The following AUTS2 variants were observed in gnomAD, a reference collection of about 807,000 sequenced individuals.
AUTS2 encodes activator of transcription and developmental regulator AUTS2.
Under a neutral mutation model 112.4 loss-of-function variants are expected in AUTS2, and 17 were observed. The ratio of observed to expected loss-of-function variants is 0.15; its 90% CI spans 0.10 to 0.23. The LOEUF (loss-of-function observed/expected upper bound fraction) is 0.23, where lower values mean the gene tolerates loss of function less well. Among genes scored for constraint, AUTS2 ranks in the 10% least tolerant of loss-of-function variants. The pLI is 1.00. For synonymous variants in AUTS2, 751 were observed against 702.7 expected, an observed-to-expected ratio of 1.07 and a Z score of -1.09; for missense variants, 1,510 against 1,701.6, an observed-to-expected ratio of 0.89 and a Z score of 1.98.
intron 1 of AUTS2, among the ~76,000 whole-genome samples, chr7:69,828,042 A>C (rs1302413006): frequency 6.6e-6 from 1 of 152,246 alleles, no homozygotes; most frequent in Admixed American, 6.5e-5. Flanking sequence ...GTTGGGAAAC[A>C]AGGTTGATAG....
intron 5 of AUTS2, among the ~76,000 whole-genome samples, chr7:70,512,144 C>T (rs775259722): frequency 1.3e-5 from 2 of 152,178 alleles, no homozygotes; most frequent in African/African-American, 2.4e-5. Context: ...TTGATCTCAG[C>T]TAGGGAGCTG....
chr7:70,232,727 TATCTCTGTCATTGTC>T (rs1373582736), intron 4 of AUTS2, among the ~76,000 whole-genome samples: 2 of 152,208 alleles, frequency 1.3e-5, no homozygotes, highest in Admixed American at 1.3e-4. Flanking sequence ...TGTTTTTCCT[TATCTCTGTCATTGTC>T]ATGACAAGAG....
intron 3 of AUTS2, among the ~76,000 whole-genome samples, chr7:70,127,494 A>G (rs183375843): frequency 1.4e-3 from 212 of 152,206 alleles, no homozygotes; most frequent in Middle Eastern, 3.4e-3. Flanking sequence ...GTCAGCTTCA[A>G]CCTCACTTCT....
chr7:69,718,635 T>A (rs1798749560), intron 1 of AUTS2, among the ~76,000 whole-genome samples: 1 of 152,342 alleles, frequency 6.6e-6, no homozygotes, highest in South Asian at 2.1e-4. Context: ...TATTTTAAGA[T>A]CTGCTGGTTA....
intron 1 of AUTS2, among the ~76,000 whole-genome samples, chr7:69,679,756 A>C (rs577594382): frequency 3.0e-4 from 46 of 152,318 alleles, no homozygotes; most frequent in African/African-American, 9.4e-4. Context: ...GTAATAATTT[A>C]TTTTGGGGAG....
chr7:69,951,231 C>G (rs953303149), intron 2 of AUTS2, among the ~76,000 whole-genome samples: 5 of 151,906 alleles, frequency 3.3e-5, no homozygotes, highest in African/African-American at 1.2e-4. Context: ...GTTGTTTCAG[C>G]TAATTATGAG....
chr7:69,946,994 G>A (rs949474653), intron 2 of AUTS2, among the ~76,000 whole-genome samples: 1 of 152,128 alleles, frequency 6.6e-6, no homozygotes, highest in East Asian at 1.9e-4. Context: ...ATCCTGGTGG[G>A]CACTCGTTTG....
At chr7:70,323,673 C>T (rs1012145400) in intron 4 of AUTS2, among the ~76,000 whole-genome samples, 3 of 152,182 alleles carry the variant, frequency 2.0e-5, no homozygotes, top group Non-Finnish European at 4.4e-5. Flanking sequence ...TCTTATTTTT[C>T]AACAAGGAAA....
intron 2 of AUTS2, among the ~76,000 whole-genome samples, chr7:70,037,301 A>T (rs1174906594): frequency 6.6e-6 from 1 of 152,220 alleles, no homozygotes; most frequent in African/African-American, 2.4e-5. Flanking sequence ...AGGATGAAGA[A>T]GTCTGAATAT....
chr7:69,702,276 A>G (rs1346732612), intron 1 of AUTS2, among the ~76,000 whole-genome samples: 2 of 152,214 alleles, frequency 1.3e-5, no homozygotes, highest in Non-Finnish European at 2.9e-5. Context: ...TTTTTCTGCA[A>G]TATCTTCCTG....
chr7:70,116,112 C>T (rs1379278138), intron 2 of AUTS2, among the ~76,000 whole-genome samples: 5 of 152,112 alleles, frequency 3.3e-5, no homozygotes, highest in African/African-American at 1.2e-4. Flanking sequence ...TAACAAAAGC[C>T]TCATACAACT....
At chr7:69,690,759 C>G (rs976954491) in intron 1 of AUTS2, among the ~76,000 whole-genome samples, 11 of 152,220 alleles carry the variant, frequency 7.2e-5, no homozygotes, top group Non-Finnish European at 1.6e-4. Flanking sequence ...TTCTCTCTTT[C>G]TCGTCACCTG....
chr7:70,222,990 C>T (rs1054111493), intron 4 of AUTS2, among the ~76,000 whole-genome samples: 23 of 150,928 alleles, frequency 1.5e-4, no homozygotes, highest in African/African-American at 5.6e-4. Context: ...TGGGTTCAGG[C>T]GGTTCTCCTG....
chr7:70,159,483 T>G (rs1807960984), intron 4 of AUTS2, among the ~76,000 whole-genome samples: 1 of 152,184 alleles, frequency 6.6e-6, no homozygotes, highest in South Asian at 2.1e-4. Context: ...TTTAGGTCTG[T>G]GTTTTGATAT....
intron 4 of AUTS2, chr7:70,290,592 A>C: frequency 6.9e-7 from 1 of 1,440,190 alleles, no homozygotes; most frequent in Middle Eastern, 1.8e-4. Flanking sequence ...CGTGACCCCA[A>C]TGAGAAATTA....
At chr7:69,756,919 G>A (rs903285054) in intron 1 of AUTS2, among the ~76,000 whole-genome samples, 1 of 152,110 alleles carries the variant, frequency 6.6e-6, no homozygotes, top group South Asian at 2.1e-4. Context: ...TTTGCTTTGG[G>A]TCAATAAAGA....
chr7:70,642,790 C>T (rs375095322), intron 5 of AUTS2, among the ~76,000 whole-genome samples: 2 of 151,692 alleles, frequency 1.3e-5, no homozygotes, highest in African/African-American at 4.8e-5. Context: ...CATAAACATG[C>T]GTGTCAACTC....
At chr7:70,658,654 A>G (rs575136044) in intron 5 of AUTS2, among the ~76,000 whole-genome samples, 1 of 152,342 alleles carries the variant, frequency 6.6e-6, no homozygotes, top group Non-Finnish European at 1.5e-5. Context: ...TAGGGCCAAC[A>G]CAAAGAATTG....
chr7:70,096,556 G>A (rs1449176956), intron 2 of AUTS2, among the ~76,000 whole-genome samples: 7 of 144,684 alleles, frequency 4.8e-5, no homozygotes, highest in Admixed American at 3.6e-4. Context: ...CCGAGATCGC[G>A]CCATTGCACT....
Sources: allele counts gnomAD v4.1 joint callset (sites outside exome capture counted in the v4.1 genomes callset), GRCh38; gene constraint gnomAD v4.1.1; transcripts MANE v1.5; gene names NCBI Gene and HGNC (gene_info 2026-07-23, HGNC 2026-07-21).